TAFA5: variants seen among roughly 807,000 people sequenced by gnomAD.
The protein encoded by TAFA5 is chemokine-like protein TAFA-5.
TAFA5 carries 6 observed loss-of-function variants against 15.3 expected under a neutral mutation model. That is an observed-to-expected ratio of 0.39 (90% confidence interval 0.21 to 0.77). TAFA5 has a LOEUF of 0.77. Among genes scored for constraint, TAFA5 ranks in the 30% least tolerant of loss-of-function variants. The pLI is 0.41. For missense variants in TAFA5, 161 were observed against 193.1 expected, an observed-to-expected ratio of 0.83 and a Z score of 0.98; for synonymous variants, 103 against 80.7, an observed-to-expected ratio of 1.28 and a Z score of -1.48.
chr22:48,600,515 T>C (rs928217213), intron 1 of TAFA5, among the ~76,000 whole-genome samples: 1 of 152,196 alleles, frequency 6.6e-6, no homozygotes, highest in Non-Finnish European at 1.5e-5. Context: ...TAGGCACAGA[T>C]GTGTGCCCGT....
At chr22:48,675,187 C>T (rs1927934140) in intron 2 of TAFA5, among the ~76,000 whole-genome samples, 2 of 152,230 alleles carry the variant, frequency 1.3e-5, no homozygotes, top group African/African-American at 4.8e-5. Context: ...GGTGATCCAC[C>T]CACCTCGGCC....
chr22:48,652,668 C>T (rs1044859724), intron 2 of TAFA5, among the ~76,000 whole-genome samples: 1 of 152,200 alleles, frequency 6.6e-6, no homozygotes, highest in Non-Finnish European at 1.5e-5. Context: ...CAGACCCCCA[C>T]GTGGAGCACC....
chr22:48,646,051 C>T (rs1016832201), intron 1 of TAFA5, among the ~76,000 whole-genome samples: 4 of 152,182 alleles, frequency 2.6e-5, no homozygotes, highest in East Asian at 1.9e-4. Flanking sequence ...CCTGCTCGTT[C>T]CTCTGTACCC....
At chr22:48,743,409 G>A (rs1401361201) in intron 3 of TAFA5, among the ~76,000 whole-genome samples, 1 of 152,176 alleles carries the variant, frequency 6.6e-6, no homozygotes, top group Non-Finnish European at 1.5e-5. Flanking sequence ...TCCCTGTAAG[G>A]GAGTGGTATC....
In TAFA5 at chr22:48,547,412, C is replaced by G. The variant is rs565505883; in HGVS notation, c.112+57708C>G. The G allele has an allele frequency of 1.6e-3, 238 of 152,350 alleles. 1 individual carries two copies. Among genetic ancestry groups the G allele is most frequent in the South Asian group, 3.1e-3 (15 of 4,834 alleles). The allele number at this position is 152,350 out of a possible 1,614,324, so 9.4% of individuals were successfully genotyped here. A position where few individuals can be genotyped will look rare whatever the true frequency, so the allele number is the denominator to read the frequency against. On this transcript the variant is annotated intron_variant, in intron 1 of 3. Transcript: ENST00000402357. ...CAGCCTTTCCCCAGGTGTTTGCATT[C>G]CTTTGTAGAAGGGGAAGTGAGGATA...
At chr22:48,521,699 G>T (rs1243591438) in intron 1 of TAFA5, among the ~76,000 whole-genome samples, 1 of 152,196 alleles carries the variant, frequency 6.6e-6, no homozygotes, top group Non-Finnish European at 1.5e-5. Context: ...GATCCGTTAG[G>T]TGTAAAAGGT....
chr22:48,647,064 C>T (rs972709352), intron 2 of TAFA5, among the ~76,000 whole-genome samples: 1 of 152,158 alleles, frequency 6.6e-6, no homozygotes, highest in African/African-American at 2.4e-5. Context: ...AGAAGGACAG[C>T]AGAGGGGTCA....
At chr22:48,640,002 G>A (rs1419439623) in intron 1 of TAFA5, among the ~76,000 whole-genome samples, 10 of 152,196 alleles carry the variant, frequency 6.6e-5, no homozygotes, top group African/African-American at 2.4e-4. Context: ...TGTAAAGTTT[G>A]TAGGAACCCA....
chr22:48,747,755 G>A (rs997837204), intron 3 of TAFA5, among the ~76,000 whole-genome samples: 8 of 151,992 alleles, frequency 5.3e-5, no homozygotes, highest in African/African-American at 1.9e-4. Context: ...AAATTAGCCC[G>A]GCATGGAGGC....
intron 1 of TAFA5, among the ~76,000 whole-genome samples, chr22:48,527,863 C>T (rs1465902964): frequency 6.6e-6 from 1 of 152,184 alleles, no homozygotes; most frequent in Non-Finnish European, 1.5e-5. Flanking sequence ...TGGAGCCCGG[C>T]GCGAGGCTTC....
intron 1 of TAFA5, among the ~76,000 whole-genome samples, chr22:48,520,406 C>T (rs990749464): frequency 6.6e-6 from 1 of 152,224 alleles, no homozygotes; most frequent in Non-Finnish European, 1.5e-5. Context: ...GGGCTCACCC[C>T]GAAGGCCTGG....
intron 1 of TAFA5, among the ~76,000 whole-genome samples, chr22:48,581,845 G>A (rs372906256): frequency 6.6e-5 from 10 of 152,328 alleles, no homozygotes; most frequent in African/African-American, 2.2e-4. Context: ...CACGCAGGCA[G>A]TGGTGTTCCT....
At chr22:48,716,180 G>A (rs570043364) in intron 3 of TAFA5, among the ~76,000 whole-genome samples, 1 of 152,298 alleles carries the variant, frequency 6.6e-6, no homozygotes, top group South Asian at 2.1e-4. Context: ...CAGGTAACAT[G>A]ATGCCTCCAG....
In TAFA5 at chr22:48,687,491, T is replaced by C. The variant is rs543199046; in HGVS notation, c.263-20226T>C. On this transcript the variant is annotated intron_variant, in intron 2 of 3. Coordinates refer to ENST00000402357, the MANE Select transcript of TAFA5 (RefSeq NM_001082967.3). ...TGGGTGGATGGGGGATGGCTAAATA[T>C]TTCCTGAACCTAACTATGAAGCCTT... Among the ~76,000 whole-genome samples the C allele has an allele frequency of 3.3e-5, 5 of 152,164 alleles. 1 individual carries two copies. The East Asian group carries it at 9.7e-4, about 29-fold the overall frequency.
At chr22:48,689,642 C>A (rs1010282959) in intron 2 of TAFA5, among the ~76,000 whole-genome samples, 3 of 107,036 alleles carry the variant, frequency 2.8e-5, no homozygotes, top group Non-Finnish European at 6.5e-5. Flanking sequence ...TCCTAGGTCA[C>A]CCGTGTAGCC....
At chr22:48,501,114 C>T (rs889599340) in intron 1 of TAFA5, among the ~76,000 whole-genome samples, 3 of 152,218 alleles carry the variant, frequency 2.0e-5, no homozygotes, top group African/African-American at 7.2e-5. Flanking sequence ...TGAGCCACTG[C>T]CTTTCTCGGG....
chr22:48,617,968 C>T lies in TAFA5; in HGVS notation c.113-28629C>T, dbSNP rs945919943. The stretch of plus-strand genomic sequence containing the variant: ...ACTCTTAAGAGCCCTGCCACATGGG[C>T]GCGGTTTTTATGGCCATTTTTTACA... On this transcript the variant is annotated intron_variant, in intron 1 of 3. Coordinates refer to ENST00000402357, the MANE Select transcript of TAFA5 (RefSeq NM_001082967.3). Among the ~76,000 whole-genome samples the T allele has an allele frequency of 4.6e-5, 7 of 152,076 alleles. No homozygotes were observed. The East Asian group carries it at 5.8e-4, about 13-fold the overall frequency.
intron 1 of TAFA5, among the ~76,000 whole-genome samples, chr22:48,641,131 C>T (rs1360140184): frequency 1.3e-5 from 2 of 151,484 alleles, no homozygotes; most frequent in African/African-American, 4.9e-5. Context: ...GGGACAGCTT[C>T]TGCCTGAAGC....
intron 1 of TAFA5, among the ~76,000 whole-genome samples, chr22:48,612,318 C>T (rs904673348): frequency 1.3e-5 from 2 of 152,234 alleles, no homozygotes; most frequent in African/African-American, 2.4e-5. Context: ...GTAATCAAGG[C>T]GAGCCTGTGA....
Sources: allele counts gnomAD v4.1 joint callset (sites outside exome capture counted in the v4.1 genomes callset), GRCh38; gene constraint gnomAD v4.1.1; transcripts MANE v1.5; gene names NCBI Gene and HGNC (gene_info 2026-07-23, HGNC 2026-07-21).